The following RTKN2 variants were observed in gnomAD, a reference collection of about 807,000 sequenced individuals.
The protein encoded by RTKN2 is rhotekin-2.
A neutral mutation model predicts 71.5 loss-of-function variants in RTKN2; 69 were observed. The ratio of observed to expected loss-of-function variants is 0.96; its 90% CI spans 0.79 to 1.18. The LOEUF (loss-of-function observed/expected upper bound fraction) is 1.18. Among genes scored for constraint, RTKN2 ranks in the 50% most tolerant of loss-of-function variants. RTKN2 has a pLI of 0.00. For synonymous variants in RTKN2, 236 were observed against 236.5 expected (o/e 1.00, Z 0.02); for missense variants, 724 against 719.7 (o/e 1.01, Z -0.07).
chr10:62,259,346 T>G (rs1182103853), intron 2 of RTKN2: 2 of 256,458 alleles, frequency 7.8e-6, no homozygotes, highest in Non-Finnish European at 1.6e-5. Context: ...TTCTCCATTT[T>G]TAATGTGATA....
chr10:62,243,679 A>G (rs932200925), intron 3 of RTKN2, among the ~76,000 whole-genome samples: 2 of 152,158 alleles, frequency 1.3e-5, no homozygotes, highest in African/African-American at 4.8e-5. Context: ...CATCAACTCT[A>G]TTTCTGAATT....
At chr10:62,208,558 T>C (rs1308444174) in intron 9 of RTKN2, among the ~76,000 whole-genome samples, 1 of 151,976 alleles carries the variant, frequency 6.6e-6, no homozygotes, top group African/African-American at 2.4e-5. Flanking sequence ...TGTATTTAAA[T>C]CCAAAAATTC....
In RTKN2 at chr10:62,236,295, T is replaced by C. The variant is rs775932040; in HGVS notation, c.489-32A>G. The C allele has an allele frequency of 8.0e-6, 11 of 1,383,116 alleles. No individual in the cohort carries two copies. The East Asian group carries it at 1.9e-4, about 23-fold the overall frequency. 85.7% of individuals were successfully genotyped at this position (1,383,116 alleles called of 1,614,324 possible). ...ACAAGGGCATTCATAATGTTGGAAA[T>C]TTAACTCAGTAGAAAATAAAATTAT... On this transcript the variant is annotated intron_variant, in intron 5 of 11. Coordinates refer to ENST00000373789, the MANE Select transcript of RTKN2 (RefSeq NM_145307.4).
chr10:62,263,202 A>G (rs1429497061), intron 1 of RTKN2, among the ~76,000 whole-genome samples: 1 of 152,208 alleles, frequency 6.6e-6, no homozygotes, highest in African/African-American at 2.4e-5. Flanking sequence ...ACTGGATTAG[A>G]GTGGGTCCTA....
Position 62,197,955 on chromosome 10 carries a change from T to C in RTKN2, c.1783A>G (p.Ile595Val). 6.2e-7 allele frequency: 1 copy of C among 1,614,016 alleles called. No homozygotes were observed. The highest frequency in any genetic ancestry group is 8.5e-7 in the Non-Finnish European group (1 of 1,179,934). The change falls in exon 12 of 12, where the codon ATC becomes GTC. Residue 595 changes from isoleucine (I) to valine (V), a missense_variant. By Grantham distance (29) the Ile-to-Val change is conservative (BLOSUM62 3). Coordinates refer to ENST00000373789, the MANE Select transcript of RTKN2 (RefSeq NM_145307.4). ...KPVPAPRQKS[I>V]KDILDPRSWL... is the part of the protein sequence containing the mutation. Reference sequence around the variant, plus strand: ...GATCTAGGGTCCAGAATGTCTTTGATGGATTTCTGCCTTGGAGCTGGCACT... The same window carrying C: ...GATCTAGGGTCCAGAATGTCTTTGACGGATTTCTGCCTTGGAGCTGGCACT...
downstream of RTKN2, among the ~76,000 whole-genome samples, chr10:62,191,435 G>A (rs571912973): frequency 3.3e-5 from 5 of 152,268 alleles, no homozygotes; most frequent in African/African-American, 9.6e-5. Context: ...ATGAGCCACC[G>A]TGCCCAGCCT....
intron 8 of RTKN2, among the ~76,000 whole-genome samples, chr10:62,185,564 A>T (rs1429796593): frequency 6.6e-6 from 1 of 152,166 alleles, no homozygotes; most frequent in East Asian, 1.9e-4. Context: ...TGCAGTAGTG[A>T]ATGGAGATCG....
At chr10:62,214,927 T>G (rs1841735577) in intron 9 of RTKN2, 1 of 540,010 alleles carries the variant, frequency 1.9e-6, no homozygotes, top group Non-Finnish European at 3.3e-6. Context: ...ATAATTTTCC[T>G]TACTAGTTTG....
rs554662772 is a variant in RTKN2, at chr10:62,256,828, T to C, written c.257+5797A>G. 2.0e-4 allele frequency among the ~76,000 whole-genome samples: 30 copies of C among 152,236 alleles called. No individual in the cohort carries two copies. The South Asian group carries it at 5.0e-3, about 25-fold the overall frequency. On this transcript the variant is annotated intron_variant, in intron 2 of 11. Transcript: ENST00000373789. ...GTACTATTCTTGTAATTTTTACGTA[T>C]GTAAATTTCATAATAAAAAGTTGAT...
intron 1 of RTKN2, among the ~76,000 whole-genome samples, chr10:62,264,764 G>A (rs574924779): frequency 1.2e-4 from 19 of 152,176 alleles, no homozygotes; most frequent in African/African-American, 4.3e-4. Context: ...CAGAGAGGAA[G>A]GGCCTTATAG....
intron 9 of RTKN2, among the ~76,000 whole-genome samples, chr10:62,215,644 T>A (rs1021163949): frequency 6.6e-6 from 1 of 152,008 alleles, no homozygotes; most frequent in African/African-American, 2.4e-5. Context: ...TGTTACGTTG[T>A]TTGCAACTGA....
intron 10 of RTKN2, among the ~76,000 whole-genome samples, chr10:62,202,210 T>C (rs1841458370): frequency 6.6e-6 from 1 of 152,126 alleles, no homozygotes; most frequent in Admixed American, 6.6e-5. Flanking sequence ...TACATCCCCC[T>C]TGCCCACCAA....
intron 10 of RTKN2, among the ~76,000 whole-genome samples, chr10:62,201,791 C>T (rs1589334030): frequency 1.3e-5 from 2 of 152,188 alleles, no homozygotes; most frequent in African/African-American, 4.8e-5. Flanking sequence ...GAGGTATAAA[C>T]GTGTTCATGG....
At chr10:62,230,013 A>C (rs1034412164) in intron 6 of RTKN2, among the ~76,000 whole-genome samples, 8 of 152,328 alleles carry the variant, frequency 5.3e-5, no homozygotes, top group Admixed American at 4.6e-4. Context: ...TTGAATGTGC[A>C]GTATAATTAT....
rs563836096 is a variant in RTKN2 at position 62,195,196 on chromosome 10, A to G, written c.*2712T>C. 1.0e-6 allele frequency: 1 copy of G among 977,992 alleles called. No homozygotes were observed. The highest frequency in any genetic ancestry group is 1.7e-5 in the African/African-American group (1 of 57,180). The allele number at this position is 977,992 out of a possible 1,614,324, so 60.6% of individuals were successfully genotyped here. On this transcript the variant is annotated 3_prime_UTR_variant, in exon 12 of 12. Coordinates refer to ENST00000373789, the MANE Select transcript of RTKN2 (RefSeq NM_145307.4). ...TTTAGATCATCAGAATTATCATATC[A>G]TAAAATATCTATTCTGTTTCCCCAA...
intron 11 of RTKN2, 30 bp downstream of exon 11, chr10:62,199,724 T>C: frequency 7.5e-7 from 1 of 1,339,068 alleles, no homozygotes. Context: ...TTTGTTATCC[T>C]GCAGCTTAGA....
intron 6 of RTKN2, among the ~76,000 whole-genome samples, chr10:62,229,875 C>T (rs1175782874): frequency 2.0e-5 from 3 of 151,986 alleles, no homozygotes; most frequent in South Asian, 2.1e-4. Flanking sequence ...ATGAATGACA[C>T]ATAACAATAT....
intron 11 of RTKN2, among the ~76,000 whole-genome samples, chr10:62,198,794 T>C (rs958754): frequency 0.22 from 34,073 of 152,068 alleles, 5,296 homozygotes; most frequent in African/African-American, 0.45. Flanking sequence ...AAAAATTCTA[T>C]AGATTAAGTA....
chr10:62,197,888 G>A lies in RTKN2; in HGVS notation c.*20C>T. The A allele has an allele frequency of 1.9e-6, 3 of 1,581,196 alleles. No individual in the cohort carries two copies. The highest frequency in any genetic ancestry group is 2.6e-6 in the Non-Finnish European group (3 of 1,166,296). ...TTCACAGTTATAGATTTTGTTAAAT[G>A]TTTTATCATTAAGAGTTTTCTATAC... On this transcript the variant is annotated 3_prime_UTR_variant, in exon 12 of 12. Transcript: ENST00000373789.
Sources: allele counts gnomAD v4.1 joint callset (sites outside exome capture counted in the v4.1 genomes callset), GRCh38; gene constraint gnomAD v4.1.1; transcripts MANE v1.5; gene names NCBI Gene and HGNC (gene_info 2026-07-23, HGNC 2026-07-21).